Variants in TSNARE1 observed in about 807,000 individuals in gnomAD.
TSNARE1 encodes the protein t-SNARE domain-containing protein 1.
TSNARE1 carries 49 observed loss-of-function variants against 62.0 expected under a neutral mutation model. The observed-to-expected ratio is 0.79, with a 90% CI of 0.63 to 1.00. TSNARE1 has a LOEUF of 1.00. Ranked by LOEUF, TSNARE1 falls within the 50% of genes least tolerant of loss-of-function variation. The probability of loss-of-function intolerance (pLI) is 0.00; values close to 1 mark genes in which losing one functional copy is unlikely to be tolerated. For synonymous variants in TSNARE1, 328 were observed against 294.4 expected, an observed-to-expected ratio of 1.11 and a Z score of -1.17; for missense variants, 755 against 700.1, an observed-to-expected ratio of 1.08 and a Z score of -0.88.
chr8:142,334,885 A>G (rs1563935881), intron 4 of TSNARE1, among the ~76,000 whole-genome samples: 1 of 152,260 alleles, frequency 6.6e-6, no homozygotes, highest in Non-Finnish European at 1.5e-5. Flanking sequence ...TTGACAAGCA[A>G]AAGTGAAAAG....
At chr8:142,287,598 C>T (rs1162804405) in intron 10 of TSNARE1, among the ~76,000 whole-genome samples, 30 of 126,978 alleles carry the variant, frequency 2.4e-4, no homozygotes, top group African/African-American at 9.5e-4. Flanking sequence ...GACAGTGGGC[C>T]GCCCTCCAGG....
intron 13 of TSNARE1, among the ~76,000 whole-genome samples, chr8:142,215,319 C>T (rs537152050): frequency 6.6e-6 from 1 of 152,304 alleles, no homozygotes; most frequent in East Asian, 1.9e-4. Context: ...GATGGTGGTG[C>T]TCAGCGTGCC....
chr8:142,279,147 C>A (rs1820984182), intron 11 of TSNARE1, among the ~76,000 whole-genome samples: 1 of 152,260 alleles, frequency 6.6e-6, no homozygotes, highest in African/African-American at 2.4e-5. Flanking sequence ...CCAGCTGGGC[C>A]CTGCTGCCCT....
intron 1 of TSNARE1, among the ~76,000 whole-genome samples, chr8:142,363,020 G>A (rs915745061): frequency 3.3e-5 from 5 of 152,142 alleles, no homozygotes; most frequent in African/African-American, 1.2e-4. Context: ...TAGACATCTA[G>A]AAGGGTTCCT....
At chr8:142,284,349 G>T in intron 11 of TSNARE1, 64 bp downstream of exon 11, 2 of 1,359,234 alleles carry the variant, frequency 1.5e-6, no homozygotes, top group Non-Finnish European at 2.1e-6. Flanking sequence ...AAGGGGTGAG[G>T]GCTGGGGGCT....
chr8:142,319,002 G>A lies in TSNARE1; in HGVS notation c.894-368C>T, dbSNP rs890779658. On this transcript the variant is annotated intron_variant, in intron 6 of 13. Coordinates refer to ENST00000524325, the MANE Select transcript of TSNARE1 (RefSeq NM_145003.5). This position sits in a 1 kb window ranked among gnomAD's most constrained non-coding sequence, Gnocchi z 4.9. ...GACGGGCAGACACCCAGCAAGAGACGGGGGAGACGGGCAGACACACAGCAA... is the reference window on the plus strand; with the variant it reads ...GACGGGCAGACACCCAGCAAGAGACAGGGGAGACGGGCAGACACACAGCAA... 3.3e-5 allele frequency among the ~76,000 whole-genome samples: 5 copies of A among 149,490 alleles called. No individual in the cohort carries two copies. Among genetic ancestry groups the A allele is most frequent in the South Asian group, 2.2e-4 (1 of 4,620 alleles).
chr8:142,307,772 A>C (rs1826927468), intron 9 of TSNARE1, among the ~76,000 whole-genome samples: 2 of 152,220 alleles, frequency 1.3e-5, no homozygotes, highest in Admixed American at 6.5e-5. Context: ...CCTAGGTCAG[A>C]AAATGCTGAA....
intron 10 of TSNARE1, among the ~76,000 whole-genome samples, chr8:142,284,716 G>T (rs957031767): frequency 6.6e-6 from 1 of 152,200 alleles, no homozygotes; most frequent in Non-Finnish European, 1.5e-5. Context: ...CAGAGACAGG[G>T]CAGGGATCTG....
chr8:142,315,099 A>G lies in TSNARE1; in HGVS notation c.985-7T>C, dbSNP rs1416017688. The G allele has an allele frequency of 1.2e-6, 2 of 1,614,046 alleles. No homozygotes were observed. Among genetic ancestry groups the G allele is most frequent in the Non-Finnish European group, 8.5e-7 (1 of 1,179,988 alleles). The stretch of plus-strand genomic sequence containing the variant: ...CCTGCTGCAGACGCTCCTGCTGCAG[A>G]GAAGGTACAGCTGGCACGGCATGGG... On this transcript the variant is annotated splice_polypyrimidine_tract_variant and splice_region_variant and intron_variant, in intron 7 of 13. Transcript: ENST00000524325.
intron 7 of TSNARE1, among the ~76,000 whole-genome samples, chr8:142,317,764 C>G (rs150032561): frequency 0.021 from 3,173 of 152,178 alleles, 50 homozygotes; most frequent in Middle Eastern, 0.082. Flanking sequence ...TTGAGACCAG[C>G]CTGAGCAACA....
intron 12 of TSNARE1, among the ~76,000 whole-genome samples, chr8:142,267,911 C>G (rs1465355799): frequency 6.6e-6 from 1 of 152,218 alleles, no homozygotes; most frequent in African/African-American, 2.4e-5. Flanking sequence ...GTGCCTCTCT[C>G]ACACGCTTGC....
intron 1 of TSNARE1, among the ~76,000 whole-genome samples, chr8:142,381,753 A>T (rs957298568): frequency 6.6e-5 from 10 of 152,150 alleles, no homozygotes; most frequent in Non-Finnish European, 1.3e-4. Context: ...CCCCAACCCC[A>T]GATGACCTGG....
intron 2 of TSNARE1, among the ~76,000 whole-genome samples, chr8:142,351,046 C>CT (rs1229436906): frequency 6.6e-6 from 1 of 152,204 alleles, no homozygotes; most frequent in Admixed American, 6.5e-5. Flanking sequence ...GAGTCCTTCT[C>CT]TTTTAGAGAC....
intron 1 of TSNARE1, among the ~76,000 whole-genome samples, chr8:142,361,466 C>T (rs1357228873): frequency 6.6e-6 from 1 of 152,204 alleles, no homozygotes; most frequent in Non-Finnish European, 1.5e-5. Flanking sequence ...AGAAGCGGCG[C>T]TGCCTCCCAG....
chr8:142,328,451 T>C (rs963824653), intron 6 of TSNARE1, among the ~76,000 whole-genome samples: 5 of 152,238 alleles, frequency 3.3e-5, no homozygotes, highest in African/African-American at 1.2e-4. Context: ...TTTAAGTTGT[T>C]AGCCAATCAG....
intron 1 of TSNARE1, among the ~76,000 whole-genome samples, chr8:142,359,314 G>A (rs1834982850): frequency 1.3e-5 from 2 of 152,184 alleles, no homozygotes; most frequent in Non-Finnish European, 2.9e-5. Flanking sequence ...GCCTGAGGGA[G>A]GCTGCACGCC....
intron 12 of TSNARE1, among the ~76,000 whole-genome samples, chr8:142,231,777 C>T (rs1198344780): frequency 3.3e-5 from 5 of 152,176 alleles, no homozygotes. Context: ...ATGTGGCCTG[C>T]CCAAAGCCAC....
intron 6 of TSNARE1, among the ~76,000 whole-genome samples, chr8:142,324,580 A>C (rs1370089347): frequency 6.6e-6 from 1 of 152,254 alleles, no homozygotes; most frequent in Non-Finnish European, 1.5e-5. Flanking sequence ...GCCGTTTAGA[A>C]GCACCTCATG....
At chr8:142,254,996 G>C (rs1563780022) in intron 12 of TSNARE1, among the ~76,000 whole-genome samples, 1 of 152,118 alleles carries the variant, frequency 6.6e-6, no homozygotes, top group Admixed American at 6.5e-5. Context: ...GGTTTGGGGG[G>C]ATAGACTTGA....
Sources: gnomAD v4.1 joint callset for allele counts (sites outside exome capture counted in the v4.1 genomes callset) on GRCh38, gnomAD v4.1.1 for gene constraint, Gnocchi (gnomAD v3.1) non-coding constraint, MANE v1.5 for transcripts, NCBI Gene and HGNC (gene_info 2026-07-23, HGNC 2026-07-21) for gene names.